TMEM132B: variants seen among roughly 807,000 people sequenced by gnomAD.
TMEM132B encodes the protein transmembrane protein 132B.
A neutral mutation model predicts 90.8 loss-of-function variants in TMEM132B; 18 were observed. The ratio of observed to expected loss-of-function variants is 0.20; its 90% CI spans 0.14 to 0.29. TMEM132B has a LOEUF of 0.29. Ranked by LOEUF, TMEM132B falls within the 10% of genes least tolerant of loss-of-function variation. The probability of loss-of-function intolerance (pLI) is 1.00; values close to 1 mark genes in which losing one functional copy is unlikely to be tolerated. For missense variants in TMEM132B, 1,096 were observed against 1,326.8 expected, an observed-to-expected ratio of 0.83 and a Z score of 2.70; for synonymous variants, 504 against 523.3, an observed-to-expected ratio of 0.96 and a Z score of 0.50.
At chr12:125,404,534 A>G (rs935834377) in intron 2 of TMEM132B, among the ~76,000 whole-genome samples, 9 of 152,188 alleles carry the variant, frequency 5.9e-5, no homozygotes, top group Admixed American at 3.3e-4. Flanking sequence ...TAGGAAATTA[A>G]TAATAGCTAA....
At chr12:125,387,693 G>T (rs1878882153) in intron 2 of TMEM132B, among the ~76,000 whole-genome samples, 1 of 152,184 alleles carries the variant, frequency 6.6e-6, no homozygotes, top group African/African-American at 2.4e-5. Context: ...TAGGATATTG[G>T]AGGTTTAAAA....
At chr12:125,542,178 A>G (rs1883976946) in intron 4 of TMEM132B, among the ~76,000 whole-genome samples, 1 of 152,156 alleles carries the variant, frequency 6.6e-6, no homozygotes, top group Non-Finnish European at 1.5e-5. Flanking sequence ...TGACCTGTAC[A>G]TTAATGCGTA....
intron 5 of TMEM132B, among the ~76,000 whole-genome samples, chr12:125,618,254 C>T (rs770747256): frequency 1.8e-4 from 27 of 152,090 alleles, no homozygotes; most frequent in Admixed American, 3.9e-4. Flanking sequence ...GAGGGTTATT[C>T]GGCCATAGTA....
At chr12:125,194,266 G>T (rs1393307441) in intron 1 of TMEM132B, among the ~76,000 whole-genome samples, 1 of 137,528 alleles carries the variant, frequency 7.3e-6, no homozygotes, top group Non-Finnish European at 1.7e-5. Flanking sequence ...GAATTAACCC[G>T]TTGGTGGGGG....
intron 3 of TMEM132B, among the ~76,000 whole-genome samples, chr12:125,444,429 G>T (rs977154403): frequency 6.6e-6 from 1 of 151,820 alleles, no homozygotes; most frequent in Non-Finnish European, 1.5e-5. Flanking sequence ...TAAATCTTTC[G>T]ATAGCCTCTT....
At chr12:125,291,250 G>A (rs2136146980) in intron 1 of TMEM132B, among the ~76,000 whole-genome samples, 1 of 152,324 alleles carries the variant, frequency 6.6e-6, no homozygotes, top group East Asian at 1.9e-4. Flanking sequence ...CGGCCAAGCT[G>A]ACACCTAACC....
chr12:125,502,725 G>A (rs549512274), intron 3 of TMEM132B, among the ~76,000 whole-genome samples: 1 of 152,210 alleles, frequency 6.6e-6, no homozygotes, highest in Non-Finnish European at 1.5e-5. Flanking sequence ...AACTCCAGAA[G>A]AGCTCACGGT....
At position 125,406,517 on chromosome 12, in the gene TMEM132B, C is replaced by T. The variant is rs188786493; in HGVS notation, c.960-9014C>T. On this transcript the variant is annotated intron_variant, in intron 2 of 8. Coordinates refer to ENST00000682704, the MANE Select transcript of TMEM132B (RefSeq NM_001366854.1). The surrounding 1 kb of genome is among the most constrained non-coding windows in gnomAD (Gnocchi z 8.3). Reference sequence around the variant, plus strand: ...TGAGACTCACTGGTCTGGACTGAGCCATGCTCCTCTTTGCATTTCCAAGTG... The same window carrying T: ...TGAGACTCACTGGTCTGGACTGAGCTATGCTCCTCTTTGCATTTCCAAGTG... Among the ~76,000 whole-genome samples, 13 of 152,342 alleles carry T rather than the reference C, an allele frequency of 8.5e-5. No individual in the cohort carries two copies. The East Asian group carries it at 2.3e-3, about 27-fold the overall frequency.
chr12:125,432,032 A>C (rs1020917880), intron 3 of TMEM132B, among the ~76,000 whole-genome samples: 2 of 147,712 alleles, frequency 1.4e-5, no homozygotes, highest in Non-Finnish European at 3.0e-5. Context: ...CTAGGGAGAC[A>C]GTTCTGATCC....
intron 3 of TMEM132B, among the ~76,000 whole-genome samples, chr12:125,423,485 C>T (rs1161329510): frequency 6.6e-6 from 1 of 152,192 alleles, no homozygotes; most frequent in Non-Finnish European, 1.5e-5. Flanking sequence ...GAGGACTCCT[C>T]CCTGACCCCT....
At chr12:125,324,910 T>C (rs150091751) in intron 1 of TMEM132B, among the ~76,000 whole-genome samples, 1 of 152,250 alleles carries the variant, frequency 6.6e-6, no homozygotes, top group Non-Finnish European at 1.5e-5. Flanking sequence ...CAATCTCTTA[T>C]TTTGGGGGAA....
chr12:125,346,320 A>T (rs1235806029), intron 1 of TMEM132B, among the ~76,000 whole-genome samples: 1 of 152,222 alleles, frequency 6.6e-6, no homozygotes, highest in Admixed American at 6.5e-5. Flanking sequence ...CATTTATTTT[A>T]ATTTCCTTTT....
At chr12:125,418,078 C>T (rs1390215606) in intron 3 of TMEM132B, among the ~76,000 whole-genome samples, 1 of 152,098 alleles carries the variant, frequency 6.6e-6, no homozygotes, top group African/African-American at 2.4e-5. Context: ...TTTTCTGGCC[C>T]CTTGCCCTCA....
At chr12:125,480,590 CA>C (rs978643460) in intron 3 of TMEM132B, among the ~76,000 whole-genome samples, 2 of 152,206 alleles carry the variant, frequency 1.3e-5, no homozygotes, top group Non-Finnish European at 2.9e-5. Context: ...AGACCAATAA[CA>C]GGCTCTGAAA....
chr12:125,594,265 T>C (rs1292324739), intron 5 of TMEM132B, among the ~76,000 whole-genome samples: 1 of 152,222 alleles, frequency 6.6e-6, no homozygotes, highest in Admixed American at 6.5e-5. Context: ...TGAGTAGTAT[T>C]CCACTGTTTG....
At chr12:125,572,931 T>C (rs1884835924) in intron 4 of TMEM132B, among the ~76,000 whole-genome samples, 2 of 152,250 alleles carry the variant, frequency 1.3e-5, no homozygotes, top group East Asian at 3.8e-4. Flanking sequence ...TTATTTACTG[T>C]GATGCTAAAA....
intron 3 of TMEM132B, among the ~76,000 whole-genome samples, chr12:125,471,555 C>T (rs1053193114): frequency 5.3e-5 from 8 of 152,178 alleles, no homozygotes; most frequent in Non-Finnish European, 1.2e-4. Context: ...CATCCTGTCC[C>T]CAGTGGACGT....
intron 1 of TMEM132B, among the ~76,000 whole-genome samples, chr12:125,307,486 T>C (rs914016038): frequency 1.2e-4 from 19 of 152,050 alleles, no homozygotes; most frequent in African/African-American, 3.9e-4. Flanking sequence ...CTTAGGACCG[T>C]TGTTGGATTG....
chr12:125,449,812 T>C (rs1881102657), intron 3 of TMEM132B, among the ~76,000 whole-genome samples: 1 of 152,190 alleles, frequency 6.6e-6, no homozygotes. Context: ...GTAAATATGT[T>C]TTATGCATTG....
Sources: gnomAD v4.1 joint callset for allele counts (sites outside exome capture counted in the v4.1 genomes callset) on GRCh38, gnomAD v4.1.1 for gene constraint, Gnocchi (gnomAD v3.1) non-coding constraint, MANE v1.5 for transcripts, NCBI Gene and HGNC (gene_info 2026-07-23, HGNC 2026-07-21) for gene names.